Variants in OSBPL3 observed in about 807,000 individuals in gnomAD.
OSBPL3 encodes the protein oxysterol-binding protein-related protein 3.
In OSBPL3, 65 loss-of-function variants were observed where a neutral mutation model predicts 120.1. The ratio of observed to expected loss-of-function variants is 0.54; its 90% CI spans 0.44 to 0.67. OSBPL3 has a LOEUF of 0.67. Among genes scored for constraint, OSBPL3 ranks in the 30% least tolerant of loss-of-function variants. OSBPL3 has a pLI of 0.00. For missense variants in OSBPL3, 1,004 were observed against 1,082.1 expected (o/e 0.93, Z 1.01); for synonymous variants, 416 against 402.6 (o/e 1.03, Z -0.40).
rs765385412 is a variant in OSBPL3, at chr7:24,879,818, C to A, written c.97-7749G>T. On this transcript the variant is annotated intron_variant, in intron 2 of 22. Transcript: ENST00000313367. This position sits in a 1 kb window ranked among gnomAD's most constrained non-coding sequence, Gnocchi z 5.6. ...TTCAATGTACATATGACTATTTCCA[C>A]GCTGTTGATCACTCACTCAGCATTT... Among the ~76,000 whole-genome samples, 2 of 152,214 alleles carry A rather than the reference C, an allele frequency of 1.3e-5. No individual in the cohort carries two copies. The highest frequency in any genetic ancestry group is 2.4e-5 in the African/African-American group (1 of 41,452).
intron 1 of OSBPL3, among the ~76,000 whole-genome samples, chr7:24,926,086 T>C (rs1811008861): frequency 6.6e-6 from 1 of 152,240 alleles, no homozygotes; most frequent in African/African-American, 2.4e-5. Context: ...GCCGTGGTCA[T>C]TGGATCCTAC....
intron 2 of OSBPL3, among the ~76,000 whole-genome samples, chr7:24,888,981 C>G (rs1309780430): frequency 6.6e-6 from 1 of 152,206 alleles, no homozygotes; most frequent in Non-Finnish European, 1.5e-5. Context: ...AATGCCCCTT[C>G]CCTATTGCCA....
intron 19 of OSBPL3, 108 bp downstream of exon 19, chr7:24,814,951 G>T: frequency 9.8e-7 from 1 of 1,021,546 alleles, no homozygotes. Context: ...TTGCTTGCCT[G>T]CTGGCATAAA....
rs141325785 is a variant in OSBPL3 at position 24,854,066 on chromosome 7, G to GCACA, written c.1028-1436_1028-1433dup. 1.3e-5 allele frequency among the ~76,000 whole-genome samples: 2 copies of GCACA among 151,342 alleles called. No homozygotes were observed. The highest frequency in any genetic ancestry group is 2.4e-5 in the African/African-American group (1 of 41,194). On this transcript the variant is annotated intron_variant, in intron 10 of 22. Transcript: ENST00000313367. This position sits in a 1 kb window ranked among gnomAD's most constrained non-coding sequence, Gnocchi z 4.1. ...GTTTTAAAAAACATTAACACATACA[G>GCACA]CACACACACACACACAAATCATTAT...
intron 1 of OSBPL3, among the ~76,000 whole-genome samples, chr7:24,956,681 T>C (rs1815092265): frequency 6.6e-6 from 1 of 152,240 alleles, no homozygotes; most frequent in Non-Finnish European, 1.5e-5. Flanking sequence ...AACAGGCCTT[T>C]TTCTGCATTT....
rs551285522 is a variant in OSBPL3 at position 24,873,313 on chromosome 7, G to C, written c.97-1244C>G. Reference sequence around the variant, plus strand: ...GGGCACAGAAACCACACAGGGTCCTGAGTGGCTCTGGCTCAGTTTCTGTGT... The same window carrying C: ...GGGCACAGAAACCACACAGGGTCCTCAGTGGCTCTGGCTCAGTTTCTGTGT... On this transcript the variant is annotated intron_variant, in intron 2 of 22. Transcript: ENST00000313367. The surrounding 1 kb of genome is among the most constrained non-coding windows in gnomAD (Gnocchi z 4.1). 6.6e-6 allele frequency among the ~76,000 whole-genome samples: 1 copy of C among 152,214 alleles called. No individual in the cohort carries two copies. The highest frequency in any genetic ancestry group is 1.5e-5 in the Non-Finnish European group (1 of 68,044).
At chr7:24,905,248 G>A (rs80165972) in intron 1 of OSBPL3, among the ~76,000 whole-genome samples, 2,027 of 152,002 alleles carry the variant, frequency 0.013, 63 homozygotes, top group East Asian at 0.062. Flanking sequence ...ACGTACTAAC[G>A]GGAAAGAATA....
chr7:24,863,492 T>A lies in OSBPL3; in HGVS notation c.777+4A>T. ...AATGTCAACAGAAGAGGAGTCCGGC[T>A]CACCTGGATGGCGTTGATAGCTGGT... On this transcript the variant is annotated splice_donor_region_variant and intron_variant, in intron 8 of 22. Coordinates refer to ENST00000313367, the MANE Select transcript of OSBPL3 (RefSeq NM_015550.4). This position sits in a 1 kb window ranked among gnomAD's most constrained non-coding sequence, Gnocchi z 5.8. 6.2e-7 allele frequency: 1 copy of A among 1,608,740 alleles called. No individual in the cohort carries two copies. Among genetic ancestry groups the A allele is most frequent in the Non-Finnish European group, 8.5e-7 (1 of 1,175,118 alleles).
At position 24,918,416 on chromosome 7, in the gene OSBPL3, T is replaced by C. The variant is rs1019611329; in HGVS notation, c.-149-25795A>G. 2.0e-5 allele frequency among the ~76,000 whole-genome samples: 3 copies of C among 152,102 alleles called. No individual in the cohort carries two copies. The highest frequency in any genetic ancestry group is 7.2e-5 in the African/African-American group (3 of 41,426). ...CTGGAATTACCCCAGAGAGAAAACA[T>C]CTAGATAGAAGTATGTATTTGGAAG... On this transcript the variant is annotated intron_variant, in intron 1 of 22. Coordinates refer to ENST00000313367, the MANE Select transcript of OSBPL3 (RefSeq NM_015550.4). This position sits in a 1 kb window ranked among gnomAD's most constrained non-coding sequence, Gnocchi z 4.3.
At position 24,852,642 on chromosome 7, in the gene OSBPL3, G is replaced by A. The variant is rs746984455; in HGVS notation, c.1028-8C>T. ...ACCTTAAAGTGAAGTAAACTATAGA[G>A]ATAGAATCATTATAAAAAGGAATAA... On this transcript the variant is annotated splice_polypyrimidine_tract_variant and splice_region_variant and intron_variant, in intron 10 of 22. Coordinates refer to ENST00000313367, the MANE Select transcript of OSBPL3 (RefSeq NM_015550.4). This position sits in a 1 kb window ranked among gnomAD's most constrained non-coding sequence, Gnocchi z 4.1. The A allele has an allele frequency of 1.3e-6, 2 of 1,534,934 alleles. No homozygotes were observed. Among genetic ancestry groups the A allele is most frequent in the South Asian group, 1.2e-5 (1 of 80,672 alleles).
chr7:24,946,695 G>A lies in OSBPL3; in HGVS notation c.-150+33191C>T, dbSNP rs571379739. Among the ~76,000 whole-genome samples, 107 of 152,144 alleles carry A rather than the reference G, an allele frequency of 7.0e-4. No individual in the cohort carries two copies. The highest frequency in any genetic ancestry group is 1.2e-3 in the Non-Finnish European group (83 of 68,020). ...CCACCAGAGTCCTGCCATTAAGAAG[G>A]GCAGGCTCAGGTCCATCTTATCCAC... On this transcript the variant is annotated intron_variant, in intron 1 of 22. Coordinates refer to ENST00000313367, the MANE Select transcript of OSBPL3 (RefSeq NM_015550.4). The surrounding 1 kb of genome is among the most constrained non-coding windows in gnomAD (Gnocchi z 4.3).
In OSBPL3 at chr7:24,835,310, A is replaced by C. The variant is rs1246201318; in HGVS notation, c.1496-574T>G. 6.6e-6 allele frequency among the ~76,000 whole-genome samples: 1 copy of C among 152,150 alleles called. No homozygotes were observed. The highest frequency in any genetic ancestry group is 1.5e-5 in the Non-Finnish European group (1 of 68,030). On this transcript the variant is annotated intron_variant, in intron 14 of 22. Coordinates refer to ENST00000313367, the MANE Select transcript of OSBPL3 (RefSeq NM_015550.4). The surrounding 1 kb of genome is among the most constrained non-coding windows in gnomAD (Gnocchi z 4.8). ...TTATTTAAAATTTTTCTAAAACATC[A>C]GTTTTTGCTCAATATCACTAATCAT...
In OSBPL3 at chr7:24,802,392, C is replaced by T. The variant is rs1792471439; in HGVS notation, c.2567+1923G>A. The stretch of plus-strand genomic sequence containing the variant: ...CTGCTGAACAACTCTCGCTCTTTCT[C>T]CAATTGAAAAAAATTTTCCCATCTA... On this transcript the variant is annotated intron_variant, in intron 22 of 22. Transcript: ENST00000313367. The surrounding 1 kb of genome is among the most constrained non-coding windows in gnomAD (Gnocchi z 4.1). 6.6e-6 allele frequency among the ~76,000 whole-genome samples: 1 copy of T among 152,190 alleles called. No individual in the cohort carries two copies. Among genetic ancestry groups the T allele is most frequent in the Admixed American group, 6.5e-5 (1 of 15,278 alleles).
chr7:24,857,423 ACT>A (rs1314068265), intron 10 of OSBPL3, among the ~76,000 whole-genome samples: 1 of 152,134 alleles, frequency 6.6e-6, no homozygotes, highest in African/African-American at 2.4e-5. Flanking sequence ...CTAACAGAAC[ACT>A]CTCTCAGAAA....
Position 24,964,923 on chromosome 7 carries a change from T to A in OSBPL3, c.-150+14963A>T, listed in dbSNP as rs528366531. The stretch of plus-strand genomic sequence containing the variant: ...CATTGAGCAATACCTAAGCAGATGA[T>A]CTCTAAGCTTTTTACTAGCTTTAAA... On this transcript the variant is annotated intron_variant, in intron 1 of 22. Coordinates refer to ENST00000313367, the MANE Select transcript of OSBPL3 (RefSeq NM_015550.4). The surrounding 1 kb of genome is among the most constrained non-coding windows in gnomAD (Gnocchi z 4.2). 2.3e-4 allele frequency among the ~76,000 whole-genome samples: 35 copies of A among 152,340 alleles called. 1 individual carries two copies. The South Asian group carries it at 6.8e-3, about 30-fold the overall frequency.
chr7:24,963,517 G>A (rs768448996), intron 1 of OSBPL3, among the ~76,000 whole-genome samples: 5 of 152,112 alleles, frequency 3.3e-5, no homozygotes, highest in Non-Finnish European at 5.9e-5. Flanking sequence ...CATCTGCCCA[G>A]GGCAGACAGT....
In OSBPL3 at chr7:24,916,260, T is replaced by C. The variant is rs1174475301; in HGVS notation, c.-149-23639A>G. On this transcript the variant is annotated intron_variant, in intron 1 of 22. Transcript: ENST00000313367. This position sits in a 1 kb window ranked among gnomAD's most constrained non-coding sequence, Gnocchi z 4.9. ...ATTGAATGTTTTACTTTTAAAGCCA[T>C]GTTTTGTTTGAACTCAGTCTTACAC... 1.3e-5 allele frequency among the ~76,000 whole-genome samples: 2 copies of C among 152,218 alleles called. No homozygotes were observed. The highest frequency in any genetic ancestry group is 2.9e-5 in the Non-Finnish European group (2 of 68,026).
At chr7:24,949,981 C>T (rs1454290640) in intron 1 of OSBPL3, among the ~76,000 whole-genome samples, 1 of 152,174 alleles carries the variant, frequency 6.6e-6, no homozygotes, top group African/African-American at 2.4e-5. Flanking sequence ...TTTATCAATA[C>T]TTCATGCTTC....
rs1799320752 is a variant in OSBPL3, at chr7:24,852,738, C to T, written c.1028-104G>A. On this transcript the variant is annotated intron_variant, in intron 10 of 22. Coordinates refer to ENST00000313367, the MANE Select transcript of OSBPL3 (RefSeq NM_015550.4). This position sits in a 1 kb window ranked among gnomAD's most constrained non-coding sequence, Gnocchi z 4.1. ...TAAAAGAAACAAGCAAAGTAACAGC[C>T]CTGAATATTTTGAGTATAGCAAATG... 1.3e-6 allele frequency: 1 copy of T among 753,088 alleles called. No homozygotes were observed. Among genetic ancestry groups the T allele is most frequent in the Non-Finnish European group, 2.0e-6 (1 of 496,284 alleles). 46.7% of individuals were successfully genotyped at this position (753,088 alleles called of 1,614,324 possible). A position where few individuals can be genotyped will look rare whatever the true frequency, so the allele number is the denominator to read the frequency against.
Sources: allele counts gnomAD v4.1 joint callset (sites outside exome capture counted in the v4.1 genomes callset), GRCh38; gene constraint gnomAD v4.1.1; non-coding constraint Gnocchi (gnomAD v3.1); transcripts MANE v1.5; gene names NCBI Gene and HGNC (gene_info 2026-07-23, HGNC 2026-07-21).